The following TNFRSF21 variants were observed in gnomAD, a reference collection of about 807,000 sequenced individuals.
TNFRSF21 encodes the protein tumor necrosis factor receptor superfamily member 21.
A neutral mutation model predicts 45.6 loss-of-function variants in TNFRSF21; 19 were observed. The ratio of observed to expected loss-of-function variants is 0.42; its 90% CI spans 0.29 to 0.61. The LOEUF is 0.61. TNFRSF21 is among the 20% of genes least tolerant of loss of function. TNFRSF21 has a pLI of 0.23. For synonymous variants in TNFRSF21, 314 were observed against 335.5 expected (o/e 0.94, Z 0.70); for missense variants, 737 against 851.5 (o/e 0.87, Z 1.67).
intron 3 of TNFRSF21, among the ~76,000 whole-genome samples, chr6:47,279,381 T>G (rs181980157): frequency 6.6e-6 from 1 of 152,330 alleles, no homozygotes; most frequent in African/African-American, 2.4e-5. Flanking sequence ...GTTTTTCAAT[T>G]GGGACTGGAA....
chr6:47,270,364 G>A (rs1762397089), intron 3 of TNFRSF21, among the ~76,000 whole-genome samples: 5 of 152,194 alleles, frequency 3.3e-5, no homozygotes, highest in Admixed American at 1.3e-4. Flanking sequence ...TGATACCCAG[G>A]CGAACAAGGT....
chr6:47,282,744 G>C (rs1315836798), intron 3 of TNFRSF21, among the ~76,000 whole-genome samples: 1 of 152,094 alleles, frequency 6.6e-6, no homozygotes, highest in African/African-American at 2.4e-5. Flanking sequence ...TATGTAGTTT[G>C]GTGTTTGTTT....
At chr6:47,294,545 G>C (rs1404632377) in intron 1 of TNFRSF21, among the ~76,000 whole-genome samples, 1 of 152,164 alleles carries the variant, frequency 6.6e-6, no homozygotes, top group African/African-American at 2.4e-5. Context: ...TTCAGTACAA[G>C]GGCAGATACT....
intron 1 of TNFRSF21, among the ~76,000 whole-genome samples, chr6:47,308,806 C>A (rs1049404022): frequency 1.3e-5 from 2 of 152,226 alleles, no homozygotes; most frequent in African/African-American, 4.8e-5. Context: ...GAACCTGAGA[C>A]CCCACCCGAG....
At chr6:47,239,910 T>C (rs1764721305) in intron 4 of TNFRSF21, among the ~76,000 whole-genome samples, 1 of 152,112 alleles carries the variant, frequency 6.6e-6, no homozygotes, top group African/African-American at 2.4e-5. Flanking sequence ...CCACCTGAAC[T>C]ACCTGCTCAA....
Position 47,234,144 on chromosome 6 carries a change from T to C in TNFRSF21, c.1738+526A>G, listed in dbSNP as rs574786791. 6.3e-4 allele frequency among the ~76,000 whole-genome samples: 95 copies of C among 151,844 alleles called. 1 individual carries two copies. The highest frequency in any genetic ancestry group is 2.2e-3 in the African/African-American group (89 of 41,226). Reference sequence around the variant, plus strand: ...TAGCTGGAACTACAGCGGGCTAATTTTTCTTTTTTTTTAGTAGAGATGGGG... The same window carrying C: ...TAGCTGGAACTACAGCGGGCTAATTCTTCTTTTTTTTTAGTAGAGATGGGG... On this transcript the variant is annotated intron_variant, in intron 5 of 5. Transcript: ENST00000296861.
chr6:47,305,560 C>T (rs1762926452), intron 1 of TNFRSF21, among the ~76,000 whole-genome samples: 2 of 152,184 alleles, frequency 1.3e-5, no homozygotes, highest in African/African-American at 4.8e-5. Context: ...GACCACTCCA[C>T]ACCTGCCCAA....
At chr6:47,243,640 AC>A (rs1764781526) in intron 4 of TNFRSF21, among the ~76,000 whole-genome samples, 2 of 151,830 alleles carry the variant, frequency 1.3e-5, no homozygotes, top group African/African-American at 4.8e-5. Context: ...CTGTTCTCAA[AC>A]TCCTAACTTC....
chr6:47,309,466 G>T lies in TNFRSF21; in HGVS notation c.46C>A (p.Arg16Ser). 1.3e-6 allele frequency: 2 copies of T among 1,530,202 alleles called. No individual in the cohort carries two copies. The highest frequency in any genetic ancestry group is 8.7e-7 in the Non-Finnish European group (1 of 1,145,854). 94.8% of individuals were successfully genotyped at this position (1,530,202 alleles called of 1,614,324 possible). A position where few individuals can be genotyped will look rare whatever the true frequency, so the allele number is the denominator to read the frequency against. Reference sequence around the variant, plus strand: ...GTGGCTGTGGCTCGGCGGGCGATGCGGCTGCAGGAGGCGAGGGCGGTGCTG... The same window carrying T: ...GTGGCTGTGGCTCGGCGGGCGATGCTGCTGCAGGAGGCGAGGGCGGTGCTG... ...SSSTALASCS[R>S]IARRATATMI... Residue 16 changes from arginine (R) to serine (S), a missense_variant, in exon 1 of 6, where the codon CGC becomes AGC. Arg to Ser is a moderately radical substitution (Grantham distance 110). Transcript: ENST00000296861.
chr6:47,253,597 T>G (rs1764936675), intron 3 of TNFRSF21, 76 bp from the exon 4 acceptor site: 1 of 1,525,100 alleles, frequency 6.6e-7, no homozygotes, highest in African/African-American at 1.4e-5. Flanking sequence ...TCTGCTTTAA[T>G]GAATGAACTA....
intron 1 of TNFRSF21, among the ~76,000 whole-genome samples, chr6:47,288,013 G>A (rs996277939): frequency 6.6e-6 from 1 of 152,166 alleles, no homozygotes; most frequent in Non-Finnish European, 1.5e-5. Context: ...AGTTGAAAAT[G>A]TATACGCTAT....
At chr6:47,303,473 G>A (rs1701590803) in intron 1 of TNFRSF21, among the ~76,000 whole-genome samples, 3 of 152,170 alleles carry the variant, frequency 2.0e-5, no homozygotes, top group Admixed American at 1.3e-4. Context: ...GCACACATCT[G>A]TCATCTCCAA....
chr6:47,246,633 T>A (rs1366775797), intron 4 of TNFRSF21, among the ~76,000 whole-genome samples: 1 of 152,240 alleles, frequency 6.6e-6, no homozygotes, highest in African/African-American at 2.4e-5. Flanking sequence ...ACAGAACAGT[T>A]AAGGGTTTCT....
intron 4 of TNFRSF21, among the ~76,000 whole-genome samples, chr6:47,252,688 G>A (rs1764916739): frequency 1.3e-5 from 2 of 152,164 alleles, no homozygotes; most frequent in South Asian, 4.1e-4. Flanking sequence ...CCAAAGCCAG[G>A]GCTTATTAGC....
intron 4 of TNFRSF21, among the ~76,000 whole-genome samples, chr6:47,251,329 G>A (rs934906756): frequency 1.3e-5 from 2 of 152,090 alleles, no homozygotes; most frequent in Non-Finnish European, 2.9e-5. Context: ...AAGTTGTAGA[G>A]TGCTTTGACA....
At chr6:47,277,445 C>T (rs913331410) in intron 3 of TNFRSF21, among the ~76,000 whole-genome samples, 7 of 152,160 alleles carry the variant, frequency 4.6e-5, no homozygotes, top group Non-Finnish European at 7.3e-5. Flanking sequence ...TCATCTCCAG[C>T]GTTTGCACCC....
rs1762989427 is a variant in TNFRSF21, at chr6:47,309,609, G to GC, written c.-99dup. ...CGCCGCATCCACCGCCGCCTCCCGGGCCGGGAGCCCATCTACCTCCAACAC... is the reference window on the plus strand; with the variant it reads ...CGCCGCATCCACCGCCGCCTCCCGGGCCCGGGAGCCCATCTACCTCCAACAC... On this transcript the variant is annotated 5_prime_UTR_variant, in exon 1 of 6. Coordinates refer to ENST00000296861, the MANE Select transcript of TNFRSF21 (RefSeq NM_014452.5). The GC allele has an allele frequency of 2.5e-5, 34 of 1,364,608 alleles. No homozygotes were observed. The highest frequency in any genetic ancestry group is 3.1e-5 in the Non-Finnish European group (33 of 1,066,976). 84.5% of individuals were successfully genotyped at this position (1,364,608 alleles called of 1,614,324 possible).
chr6:47,286,733 G>T, intron 1 of TNFRSF21, 138 bp from the exon 2 acceptor site: 2 of 891,352 alleles, frequency 2.2e-6, no homozygotes, highest in Non-Finnish European at 3.3e-6. Flanking sequence ...GCATCCTCTT[G>T]ACAGCATGCT....
At chr6:47,285,152 T>A (rs779979067) in intron 2 of TNFRSF21, among the ~76,000 whole-genome samples, 20 of 152,318 alleles carry the variant, frequency 1.3e-4, no homozygotes, top group Non-Finnish European at 2.4e-4. Context: ...AAGATGGCTG[T>A]CTTCACAGGC....
Sources: allele counts gnomAD v4.1 joint callset (sites outside exome capture counted in the v4.1 genomes callset), GRCh38; gene constraint gnomAD v4.1.1; transcripts MANE v1.5; gene names NCBI Gene and HGNC (gene_info 2026-07-23, HGNC 2026-07-21).